NEGR1: variants seen among roughly 807,000 people sequenced by gnomAD.
NEGR1 encodes neuronal growth regulator 1, also known as IgLON family member 4.
Under a neutral mutation model 40.9 loss-of-function variants are expected in NEGR1, and 10 were observed. The ratio of observed to expected loss-of-function variants is 0.24; its 90% CI spans 0.15 to 0.42. NEGR1 has a LOEUF of 0.42. Ranked by LOEUF, NEGR1 falls within the 10% of genes least tolerant of loss-of-function variation. The pLI, the probability that NEGR1 is intolerant of heterozygous loss-of-function variation, is 1.00. For synonymous variants in NEGR1, 185 were observed against 166.8 expected, an observed-to-expected ratio of 1.11 and a Z score of -0.84; for missense variants, 352 against 438.9, an observed-to-expected ratio of 0.80 and a Z score of 1.77.
At chr1:71,561,051 C>A (rs1337812227) in intron 6 of NEGR1, among the ~76,000 whole-genome samples, 1 of 151,388 alleles carries the variant, frequency 6.6e-6, no homozygotes, top group Non-Finnish European at 1.5e-5. Flanking sequence ...GCATTAAGGA[C>A]CAAATAATAT....
intron 2 of NEGR1, among the ~76,000 whole-genome samples, chr1:71,830,006 A>G (rs1416293714): frequency 6.6e-6 from 1 of 151,856 alleles, no homozygotes; most frequent in Non-Finnish European, 1.5e-5. Flanking sequence ...AATCTTCTTT[A>G]GGGACACTAG....
intron 4 of NEGR1, among the ~76,000 whole-genome samples, chr1:71,652,839 G>C (rs1026800771): frequency 1.3e-5 from 2 of 152,044 alleles, no homozygotes; most frequent in African/African-American, 4.8e-5. Flanking sequence ...ATTCCAGGCT[G>C]GGTGAGAGAG....
At chr1:71,598,564 C>G (rs1409178349) in intron 5 of NEGR1, among the ~76,000 whole-genome samples, 1 of 152,162 alleles carries the variant, frequency 6.6e-6, no homozygotes, top group Non-Finnish European at 1.5e-5. Context: ...GTTCTCTCCT[C>G]CTTCCCTGCT....
chr1:71,513,007 A>T (rs1424832321), intron 6 of NEGR1, among the ~76,000 whole-genome samples: 1 of 152,212 alleles, frequency 6.6e-6, no homozygotes, highest in African/African-American at 2.4e-5. Flanking sequence ...ATCGACAAAA[A>T]ATACCTCATA....
intron 2 of NEGR1, among the ~76,000 whole-genome samples, chr1:71,896,205 T>A (rs563289759): frequency 2.6e-5 from 4 of 152,134 alleles, no homozygotes; most frequent in African/African-American, 9.6e-5. Flanking sequence ...GCCTGGCTAA[T>A]TTTTGTGTTT....
At chr1:72,033,886 A>T (rs2100443744) in intron 1 of NEGR1, among the ~76,000 whole-genome samples, 1 of 152,266 alleles carries the variant, frequency 6.6e-6, no homozygotes, top group African/African-American at 2.4e-5. Context: ...AGCCACTCGG[A>T]CTCAAACTGT....
intron 6 of NEGR1, among the ~76,000 whole-genome samples, chr1:71,448,785 A>G (rs555695328): frequency 1.5e-4 from 23 of 152,314 alleles, no homozygotes; most frequent in Middle Eastern, 3.4e-3. Flanking sequence ...TAATTTATAC[A>G]ATTAGGTCAA....
intron 1 of NEGR1, among the ~76,000 whole-genome samples, chr1:72,130,569 C>A (rs958387237): frequency 8.1e-4 from 123 of 152,194 alleles, no homozygotes; most frequent in African/African-American, 2.9e-3. Context: ...CATCTCCAGA[C>A]AATTTGGGGC....
intron 6 of NEGR1, among the ~76,000 whole-genome samples, chr1:71,521,039 A>G (rs1050750479): frequency 6.6e-6 from 1 of 152,076 alleles, no homozygotes; most frequent in Non-Finnish European, 1.5e-5. Flanking sequence ...TTGTCACTCT[A>G]GGGAATCTTA....
chr1:71,885,989 G>T (rs1660712513), intron 2 of NEGR1, among the ~76,000 whole-genome samples: 1 of 152,120 alleles, frequency 6.6e-6, no homozygotes, highest in Non-Finnish European at 1.5e-5. Flanking sequence ...TTATACTTAG[G>T]TAATTAAATC....
chr1:71,412,965 A>G (rs1261352240), intron 6 of NEGR1, among the ~76,000 whole-genome samples: 2 of 152,170 alleles, frequency 1.3e-5, no homozygotes, highest in Non-Finnish European at 2.9e-5. Context: ...ACAGGCTGTC[A>G]TTCTTTCTAG....
chr1:71,539,357 A>G (rs1276204169), intron 6 of NEGR1, among the ~76,000 whole-genome samples: 1 of 151,768 alleles, frequency 6.6e-6, no homozygotes, highest in Non-Finnish European at 1.5e-5. Flanking sequence ...ATTTCTATTA[A>G]TCTACTAAAC....
chr1:71,861,445 C>T (rs1659944585), intron 2 of NEGR1, among the ~76,000 whole-genome samples: 1 of 151,902 alleles, frequency 6.6e-6, no homozygotes, highest in Non-Finnish European at 1.5e-5. Context: ...TATTGAAATG[C>T]CTATATGCAC....
At chr1:71,947,746 T>C (rs1553124053) in intron 1 of NEGR1, among the ~76,000 whole-genome samples, 1 of 151,068 alleles carries the variant, frequency 6.6e-6, no homozygotes, top group Non-Finnish European at 1.5e-5. Context: ...CCAGTCAAAA[T>C]ACAGACATTC....
chr1:71,427,998 TCACA>T (rs3050682), intron 6 of NEGR1, among the ~76,000 whole-genome samples: 3 of 149,910 alleles, frequency 2.0e-5, no homozygotes, highest in African/African-American at 7.3e-5. Context: ...GATAACACAC[TCACA>T]CACACACACA....
At chr1:71,859,276 G>C (rs560062201) in intron 2 of NEGR1, among the ~76,000 whole-genome samples, 15 of 151,916 alleles carry the variant, frequency 9.9e-5, no homozygotes, top group Admixed American at 2.0e-4. Flanking sequence ...CAGAGCCTGG[G>C]AACTTCCTCT....
rs140656917 is a variant in NEGR1 at position 72,142,723 on chromosome 1, G to A, written c.176+139596C>T. ...TGAATTCTAACAGCATCAGTGGCTC[G>A]AATACTGAGGCAGAATTTAGTTTTT... On this transcript the variant is annotated intron_variant, in intron 1 of 6. Coordinates refer to ENST00000357731, the MANE Select transcript of NEGR1 (RefSeq NM_173808.3). Among the ~76,000 whole-genome samples the A allele has an allele frequency of 1.5e-3, 223 of 151,760 alleles. 1 individual carries two copies. The highest frequency in any genetic ancestry group is 5.0e-3 in the African/African-American group (206 of 41,448).
chr1:71,994,445 C>G (rs982134520), intron 1 of NEGR1, among the ~76,000 whole-genome samples: 2 of 151,662 alleles, frequency 1.3e-5, no homozygotes, highest in African/African-American at 4.8e-5. Flanking sequence ...GGAGAATGGC[C>G]TGAACCCGGG....
chr1:71,519,539 T>A (rs1228004042), intron 6 of NEGR1, among the ~76,000 whole-genome samples: 1 of 95,044 alleles, frequency 1.1e-5, no homozygotes, highest in African/African-American at 4.3e-5. Context: ...TGAGATCACA[T>A]GGACACAGGA....
Sources: allele counts gnomAD v4.1 joint callset (sites outside exome capture counted in the v4.1 genomes callset), GRCh38; gene constraint gnomAD v4.1.1; transcripts MANE v1.5; gene names NCBI Gene and HGNC (gene_info 2026-07-23, HGNC 2026-07-21).